Variants in CELF2 observed in about 807,000 individuals in gnomAD.
The protein encoded by CELF2 is CUGBP Elav-like family member 2, also known as CUG triplet repeat RNA-binding protein 2.
CELF2 carries 8 observed loss-of-function variants against 62.6 expected under a neutral mutation model. The ratio of observed to expected loss-of-function variants is 0.13; its 90% CI spans 0.07 to 0.23. The LOEUF is 0.23. CELF2 is among the 10% of genes least tolerant of loss of function. The pLI is 1.00. For synonymous variants in CELF2, 258 were observed against 250.0 expected (o/e 1.03, Z -0.30); for missense variants, 333 against 671.0 (o/e 0.50, Z 5.56).
chr10:10,537,913 G>A, the CELF2 span, among the ~76,000 whole-genome samples: 8 of 152,162 alleles, frequency 5.3e-5, no homozygotes, highest in Non-Finnish European at 8.8e-5. Flanking sequence ...AAGACTTGGG[G>A]GGTCCGTGGC....
rs2065272870 is a variant in CELF2 at position 11,159,734 on chromosome 10, G to T, written c.75-5752G>T. ...CCGGAGGCACCAGGCCCATCGCCAGGTTCTTTCTGCTTTTGCCTTAAGCAG... is the reference window on the plus strand; with the variant it reads ...CCGGAGGCACCAGGCCCATCGCCAGTTTCTTTCTGCTTTTGCCTTAAGCAG... On this transcript the variant is annotated intron_variant, in intron 1 of 12. Transcript: ENST00000633077. This position sits in a 1 kb window ranked among gnomAD's most constrained non-coding sequence, Gnocchi z 5.0. Among the ~76,000 whole-genome samples the T allele has an allele frequency of 6.6e-6, 1 of 152,214 alleles. No individual in the cohort carries two copies. Among genetic ancestry groups the T allele is most frequent in the African/African-American group, 2.4e-5 (1 of 41,458 alleles).
chr10:10,684,227 T>C, the CELF2 span, among the ~76,000 whole-genome samples: 1 of 152,138 alleles, frequency 6.6e-6, no homozygotes, highest in Non-Finnish European at 1.5e-5. Flanking sequence ...TCTAGAATCA[T>C]CATCAGATTG....
At position 11,269,774 on chromosome 10, in the gene CELF2, C is replaced by T. The variant is rs1174072580; in HGVS notation, c.619-892C>T. Among the ~76,000 whole-genome samples the T allele has an allele frequency of 6.6e-6, 1 of 152,138 alleles. No individual in the cohort carries two copies. The highest frequency in any genetic ancestry group is 2.1e-4 in the South Asian group (1 of 4,818). ...TTGGGGTGTTAGGCCCTTATTATCC[C>T]TGATGATTTTATCTAGCTCAGTAGT... On this transcript the variant is annotated intron_variant, in intron 6 of 12. Coordinates refer to ENST00000633077, the MANE Select transcript of CELF2 (RefSeq NM_001326342.2). This position sits in a 1 kb window ranked among gnomAD's most constrained non-coding sequence, Gnocchi z 4.4.
Position 10,952,925 on chromosome 10 carries a change from T to G in CELF2, c.89+32926T>G, listed in dbSNP as rs1328485712. Among the ~76,000 whole-genome samples the G allele has an allele frequency of 3.3e-5, 5 of 152,226 alleles. No individual in the cohort carries two copies. In the South Asian group the frequency reaches 8.3e-4, roughly 25 times the overall value. On this transcript the variant is annotated intron_variant, in intron 2 of 13. Transcript: ENST00000636488. Reference sequence around the variant, plus strand: ...GCATCCAGAATTATCTCTACATTTTTAAAGGGCTCAGGTTTGCTTGTAGTA... The same window carrying G: ...GCATCCAGAATTATCTCTACATTTTGAAAGGGCTCAGGTTTGCTTGTAGTA...
chr10:11,161,642 G>T (rs552548256), intron 1 of CELF2, among the ~76,000 whole-genome samples: 1 of 152,208 alleles, frequency 6.6e-6, no homozygotes, highest in Non-Finnish European at 1.5e-5. Flanking sequence ...GCAAAGAGTA[G>T]CTCCTCAATA....
the CELF2 span, among the ~76,000 whole-genome samples, chr10:10,600,293 C>A: frequency 2.0e-5 from 3 of 152,198 alleles, no homozygotes; most frequent in Admixed American, 2.0e-4. Context: ...GAGTCAATTA[C>A]CAAAGTCTAT....
intron 2 of CELF2, among the ~76,000 whole-genome samples, chr10:10,991,156 C>T (rs2053393444): frequency 6.6e-6 from 1 of 152,172 alleles, no homozygotes; most frequent in African/African-American, 2.4e-5. Context: ...AAACAAAATA[C>T]AGACTCTCTC....
the CELF2 span, among the ~76,000 whole-genome samples, chr10:10,534,990 G>T: frequency 6.6e-6 from 1 of 152,136 alleles, no homozygotes; most frequent in Admixed American, 6.6e-5. Flanking sequence ...AGAAAAAAAT[G>T]AATTTTCTGT....
intron 1 of CELF2, among the ~76,000 whole-genome samples, chr10:11,109,754 AG>A (rs1455501015): frequency 6.6e-6 from 1 of 152,124 alleles, no homozygotes; most frequent in Non-Finnish European, 1.5e-5. Context: ...AACCTTGTTG[AG>A]GAAGCAACGC....
chr10:10,710,491 G>T, the CELF2 span, among the ~76,000 whole-genome samples: 1 of 152,280 alleles, frequency 6.6e-6, no homozygotes, highest in Admixed American at 6.5e-5. Context: ...TCCACAAATG[G>T]TACCATTTTA....
At chr10:10,512,167 C>T in the CELF2 span, among the ~76,000 whole-genome samples, 1 of 152,098 alleles carries the variant, frequency 6.6e-6, no homozygotes, top group African/African-American at 2.4e-5. Flanking sequence ...AAGTAAAGAG[C>T]TTGATGTGGA....
chr10:10,962,631 G>A (rs2049646995), intron 2 of CELF2, among the ~76,000 whole-genome samples: 1 of 152,142 alleles, frequency 6.6e-6, no homozygotes, highest in African/African-American at 2.4e-5. Context: ...AGGCTGAGGC[G>A]GGAAGTTGGT....
the CELF2 span, among the ~76,000 whole-genome samples, chr10:10,465,882 GT>G: frequency 6.6e-6 from 1 of 152,032 alleles, no homozygotes; most frequent in Non-Finnish European, 1.5e-5. Context: ...TTGATGTGTG[GT>G]TATACCTGCC....
intron 1 of CELF2, among the ~76,000 whole-genome samples, chr10:11,135,235 C>A (rs1210734407): frequency 6.6e-6 from 1 of 152,228 alleles, no homozygotes; most frequent in Non-Finnish European, 1.5e-5. Context: ...TGGGGTTCTC[C>A]AGCAGTGCCA....
chr10:11,167,285 A>T (rs1171381720), intron 2 of CELF2, among the ~76,000 whole-genome samples: 3 of 152,258 alleles, frequency 2.0e-5, no homozygotes, highest in African/African-American at 7.2e-5. Context: ...TAATAAATTT[A>T]AAAATCACCA....
chr10:10,693,980 T>G, the CELF2 span, among the ~76,000 whole-genome samples: 7 of 151,692 alleles, frequency 4.6e-5, no homozygotes, highest in African/African-American at 1.5e-4. Flanking sequence ...ATTCATTAAT[T>G]TTTTGAAGGG....
At chr10:10,917,634 C>T (rs2064474756) in intron 1 of CELF2, among the ~76,000 whole-genome samples, 1 of 152,204 alleles carries the variant, frequency 6.6e-6, no homozygotes, top group South Asian at 2.1e-4. Context: ...AGCCGCTGTG[C>T]TTGGCCTTAC....
intron 1 of CELF2, among the ~76,000 whole-genome samples, chr10:10,809,311 C>T (rs1311663531): frequency 2.0e-5 from 3 of 152,184 alleles, no homozygotes; most frequent in African/African-American, 7.2e-5. Flanking sequence ...TGATCTCAGA[C>T]TTCTAGCTTC....
the CELF2 span, among the ~76,000 whole-genome samples, chr10:10,785,522 C>T: frequency 9.2e-5 from 14 of 151,824 alleles, no homozygotes; most frequent in Admixed American, 2.6e-4. Flanking sequence ...TATATATATA[C>T]AGGAAATACT....
Sources: gnomAD v4.1 joint callset for allele counts (sites outside exome capture counted in the v4.1 genomes callset) on GRCh38, gnomAD v4.1.1 for gene constraint, Gnocchi (gnomAD v3.1) non-coding constraint, MANE v1.5 for transcripts, NCBI Gene and HGNC (gene_info 2026-07-23, HGNC 2026-07-21) for gene names.